ADAM12: variants seen among roughly 807,000 people sequenced by gnomAD.
The protein encoded by ADAM12 is ADAM metallopeptidase domain 12.
A neutral mutation model predicts 106.4 loss-of-function variants in ADAM12; 70 were observed. The ratio of observed to expected loss-of-function variants is 0.66; its 90% CI spans 0.54 to 0.80. ADAM12 has a LOEUF of 0.80. ADAM12 is among the 30% of genes least tolerant of loss of function. The pLI, the probability that ADAM12 is intolerant of heterozygous loss-of-function variation, is 0.00. For synonymous variants in ADAM12, 420 were observed against 433.5 expected (o/e 0.97, Z 0.39); for missense variants, 1,010 against 1,171.9 (o/e 0.86, Z 2.02).
chr10:126,377,868 A>T (rs1185890152), intron 1 of ADAM12, among the ~76,000 whole-genome samples: 1 of 152,260 alleles, frequency 6.6e-6, no homozygotes, highest in African/African-American at 2.4e-5. Context: ...ATCTCATACA[A>T]GAAATAAAAA....
intron 1 of ADAM12, among the ~76,000 whole-genome samples, chr10:126,386,573 T>C (rs1856667839): frequency 6.6e-6 from 1 of 152,116 alleles, no homozygotes; most frequent in Non-Finnish European, 1.5e-5. Flanking sequence ...AAACACTCTC[T>C]CTACCAAAGC....
rs1590855774 is a variant in ADAM12, at chr10:126,388,290, C to T, written c.-145G>A. The stretch of plus-strand genomic sequence containing the variant: ...AGCTCCGGAGCCCTCGCGCAGCGCC[C>T]GCGCCGCCGCTGAGCTCTTCTAGCC... On this transcript the variant is annotated 5_prime_UTR_variant, in exon 1 of 23. Transcript: ENST00000448723. This position sits in a 1 kb window ranked among gnomAD's most constrained non-coding sequence, Gnocchi z 4.4. The T allele has an allele frequency of 7.1e-6, 8 of 1,121,260 alleles. No individual in the cohort carries two copies. The South Asian group carries it at 3.2e-4, about 44-fold the overall frequency. The allele number at this position is 1,121,260 out of a possible 1,614,324, so 69.5% of individuals were successfully genotyped here.
In ADAM12 at chr10:126,037,712, G is replaced by A. The variant is rs552620168; in HGVS notation, c.2349+529C>T. Among the ~76,000 whole-genome samples the A allele has an allele frequency of 4.0e-5, 6 of 151,844 alleles. No individual in the cohort carries two copies. The East Asian group carries it at 1.2e-3, about 29-fold the overall frequency. On this transcript the variant is annotated intron_variant, in intron 20 of 22. Transcript: ENST00000448723. ...AGCAGGGAGCCGTGAGGTACTCTGGGTTAAGGATCCAGTTCTCTGAAACCA... is the reference window on the plus strand; with the variant it reads ...AGCAGGGAGCCGTGAGGTACTCTGGATTAAGGATCCAGTTCTCTGAAACCA...
chr10:126,348,036 C>T (rs1855212652), intron 1 of ADAM12, among the ~76,000 whole-genome samples: 1 of 152,184 alleles, frequency 6.6e-6, no homozygotes, highest in Non-Finnish European at 1.5e-5. Flanking sequence ...CTTTGGAGTA[C>T]AGGGTGCTTA....
intron 2 of ADAM12, among the ~76,000 whole-genome samples, chr10:126,293,400 A>C (rs1005577857): frequency 3.3e-5 from 5 of 152,186 alleles, no homozygotes; most frequent in Non-Finnish European, 7.3e-5. Context: ...TAGCTTCACT[A>C]GTTTGTAACC....
chr10:126,214,468 T>C (rs1957951993), intron 3 of ADAM12, among the ~76,000 whole-genome samples: 1 of 152,180 alleles, frequency 6.6e-6, no homozygotes. Context: ...TCACCATCAT[T>C]ATAAGCAGTA....
intron 3 of ADAM12, among the ~76,000 whole-genome samples, chr10:126,245,288 G>C (rs1204510860): frequency 6.6e-6 from 1 of 152,236 alleles, no homozygotes; most frequent in Admixed American, 6.5e-5. Flanking sequence ...TGAACCTGCA[G>C]CCAGGCAAGG....
At chr10:126,362,540 A>C (rs1216640388) in intron 1 of ADAM12, among the ~76,000 whole-genome samples, 1 of 152,184 alleles carries the variant, frequency 6.6e-6, no homozygotes, top group Non-Finnish European at 1.5e-5. Context: ...CAAGTTATAG[A>C]ATTAACCCAA....
At chr10:126,181,141 G>C (rs1957304895) in intron 3 of ADAM12, among the ~76,000 whole-genome samples, 1 of 148,768 alleles carries the variant, frequency 6.7e-6, no homozygotes, top group African/African-American at 2.5e-5. Flanking sequence ...GCATGATCTT[G>C]GCTCACTGCA....
intron 1 of ADAM12, among the ~76,000 whole-genome samples, chr10:126,380,420 C>T (rs936992353): frequency 3.9e-5 from 6 of 152,204 alleles, no homozygotes; most frequent in Non-Finnish European, 8.8e-5. Flanking sequence ...ATCCAGTCTC[C>T]AGCGTGAGGT....
rs563964270 is a variant in ADAM12 at position 126,071,509 on chromosome 10, C to T, written c.1291G>A (p.Glu431Lys). ...GQKCGNRFVE[E>K]GEECDCGEPE... ...TCCCCACAGTCACACTCCTCTCCTT[C>T]TTCCACAAATCTGTTCCCACACTTC... The change falls in exon 12 of 23, where the codon GAA becomes AAA. Residue 431 changes from glutamate to lysine, a missense_variant. Physicochemically the swap from Glu to Lys is moderately conservative, Grantham distance 56. Transcript: ENST00000448723. 1.2e-6 allele frequency: 2 copies of T among 1,614,172 alleles called. No homozygotes were observed. Among genetic ancestry groups the T allele is most frequent in the Admixed American group, 1.7e-5 (1 of 60,024 alleles).
chr10:126,175,018 A>AGTGCT (rs1452816946), intron 3 of ADAM12, among the ~76,000 whole-genome samples: 1 of 151,918 alleles, frequency 6.6e-6, no homozygotes, highest in African/African-American at 2.4e-5. Flanking sequence ...GGCCTCCCAA[A>AGTGCT]GTGCTGGGAT....
rs775158568 is a variant in ADAM12, at chr10:126,118,110, T to A, written c.531A>T (p.Gly177=). The A allele has an allele frequency of 1.8e-5, 29 of 1,614,082 alleles. No individual in the cohort carries two copies. The Admixed American group carries it at 4.8e-4, about 27-fold the overall frequency. ...KKLKSVRGSC[G]SHHNTPNLAA... is the part of the protein sequence containing the mutation. Reference sequence around the variant, plus strand: ...CGAGGTTTGGTGTGTTGTGATGTGATCCACATGATCCCCGGACGCTTTTCA... The same window carrying A: ...CGAGGTTTGGTGTGTTGTGATGTGAACCACATGATCCCCGGACGCTTTTCA... Residue 177 remains glycine, a synonymous_variant, in exon 6 of 23, where the codon GGA becomes GGT. Transcript: ENST00000448723.
At chr10:126,342,807 A>G (rs1332149904) in intron 1 of ADAM12, among the ~76,000 whole-genome samples, 1 of 152,038 alleles carries the variant, frequency 6.6e-6, no homozygotes, top group Non-Finnish European at 1.5e-5. Flanking sequence ...CAAGATGAGC[A>G]CTTAATATGT....
At chr10:126,181,290 T>TC (rs1490541612) in intron 3 of ADAM12, among the ~76,000 whole-genome samples, 3 of 152,156 alleles carry the variant, frequency 2.0e-5, no homozygotes, top group African/African-American at 7.2e-5. Context: ...GAGGCTGACC[T>TC]CCAACTCCTG....
chr10:126,205,678 G>A (rs1957782175), intron 3 of ADAM12, among the ~76,000 whole-genome samples: 2 of 152,236 alleles, frequency 1.3e-5, no homozygotes, highest in African/African-American at 4.8e-5. Context: ...CAAAAGTAAA[G>A]ACAAAACCCA....
At chr10:126,027,213 T>C (rs1387784668) in intron 21 of ADAM12, among the ~76,000 whole-genome samples, 1 of 152,182 alleles carries the variant, frequency 6.6e-6, no homozygotes, top group African/African-American at 2.4e-5. Flanking sequence ...TAATGAGTCC[T>C]GAAATTGAGG....
intron 6 of ADAM12, among the ~76,000 whole-genome samples, chr10:126,112,794 C>A (rs561207473): frequency 1.3e-4 from 20 of 152,102 alleles, no homozygotes; most frequent in Non-Finnish European, 2.4e-4. Context: ...GCTGGGGATA[C>A]AGTGTGGACA....
At chr10:126,096,881 A>G (rs1955568004) in intron 10 of ADAM12, among the ~76,000 whole-genome samples, 1 of 152,242 alleles carries the variant, frequency 6.6e-6, no homozygotes, top group Non-Finnish European at 1.5e-5. Context: ...TGCATGACAC[A>G]TAATTTGCTT....
Sources: gnomAD v4.1 joint callset for allele counts (sites outside exome capture counted in the v4.1 genomes callset) on GRCh38, gnomAD v4.1.1 for gene constraint, Gnocchi (gnomAD v3.1) non-coding constraint, MANE v1.5 for transcripts, NCBI Gene and HGNC (gene_info 2026-07-23, HGNC 2026-07-21) for gene names.